The following TMEM132D variants were observed in gnomAD, a reference collection of about 807,000 sequenced individuals.
TMEM132D encodes the protein mature OL transmembrane protein.
TMEM132D carries 21 observed loss-of-function variants against 62.3 expected under a neutral mutation model. The ratio of observed to expected loss-of-function variants is 0.34; its 90% CI spans 0.24 to 0.49. The LOEUF (loss-of-function observed/expected upper bound fraction) is 0.49. Ranked by LOEUF, TMEM132D falls within the 20% of genes least tolerant of loss-of-function variation. The pLI, the probability that TMEM132D is intolerant of heterozygous loss-of-function variation, is 0.99. For synonymous variants in TMEM132D, 621 were observed against 575.6 expected, an observed-to-expected ratio of 1.08 and a Z score of -1.13; for missense variants, 1,346 against 1,402.8, an observed-to-expected ratio of 0.96 and a Z score of 0.65.
At chr12:129,491,711 G>A (rs963400767) in intron 3 of TMEM132D, among the ~76,000 whole-genome samples, 3 of 152,202 alleles carry the variant, frequency 2.0e-5, no homozygotes, top group Non-Finnish European at 2.9e-5. Context: ...GGAGGCCGAG[G>A]TGGGTAGATC....
chr12:129,626,462 AAT>A (rs1491330033), intron 2 of TMEM132D, among the ~76,000 whole-genome samples: 4 of 82,810 alleles, frequency 4.8e-5, no homozygotes, highest in African/African-American at 1.1e-4. Flanking sequence ...TTTATGTGCC[AAT>A]TTTTTTTTTC....
At chr12:129,694,579 G>A (rs1881150475) in intron 2 of TMEM132D, among the ~76,000 whole-genome samples, 1 of 152,172 alleles carries the variant, frequency 6.6e-6, no homozygotes, top group Non-Finnish European at 1.5e-5. Context: ...AATCCCAGTG[G>A]CCATACTTCA....
chr12:129,306,058 G>C (rs1881839720), intron 4 of TMEM132D, among the ~76,000 whole-genome samples: 1 of 152,126 alleles, frequency 6.6e-6, no homozygotes, highest in African/African-American at 2.4e-5. Context: ...GTTTAACTCA[G>C]AGAAGTGGTT....
At chr12:129,259,236 G>T (rs533001299) in intron 4 of TMEM132D, among the ~76,000 whole-genome samples, 259 of 152,268 alleles carry the variant, frequency 1.7e-3, no homozygotes, top group African/African-American at 5.9e-3. Context: ...GAGGATCTAG[G>T]CTGAGCATCA....
chr12:129,744,894 C>T (rs1483593617), intron 1 of TMEM132D, among the ~76,000 whole-genome samples: 1 of 152,162 alleles, frequency 6.6e-6, no homozygotes, highest in Non-Finnish European at 1.5e-5. Flanking sequence ...GAATTACAAT[C>T]CCCATAATCC....
intron 3 of TMEM132D, among the ~76,000 whole-genome samples, chr12:129,493,133 CT>C (rs1462176799): frequency 6.6e-6 from 1 of 151,138 alleles, no homozygotes; most frequent in African/African-American, 2.5e-5. Flanking sequence ...CCAATAAATT[CT>C]CTCTCTCTTT....
At chr12:129,595,824 A>G (rs1449421040) in intron 2 of TMEM132D, among the ~76,000 whole-genome samples, 8 of 152,352 alleles carry the variant, frequency 5.3e-5, no homozygotes, top group African/African-American at 1.9e-4. Context: ...CCCAGCCTGC[A>G]TGAGCCAGTT....
intron 2 of TMEM132D, among the ~76,000 whole-genome samples, chr12:129,581,017 T>C (rs967694390): frequency 2.0e-5 from 3 of 152,194 alleles, no homozygotes; most frequent in South Asian, 2.1e-4. Context: ...AAACTTCATG[T>C]TGAAATTTGA....
intron 1 of TMEM132D, among the ~76,000 whole-genome samples, chr12:129,814,001 A>C (rs573594896): frequency 2.0e-5 from 3 of 152,216 alleles, no homozygotes; most frequent in African/African-American, 4.8e-5. Flanking sequence ...CTTTTAAAGA[A>C]AATGTTTAGA....
Position 129,864,230 on chromosome 12 carries a change from C to T in TMEM132D, c.79+39031G>A, listed in dbSNP as rs549657636. ...GCCATTTGAGCAAACCACTTTAGAA[C>T]TGGATTCTCCAGCCCCTGTCAGGCC... is the stretch of plus-strand genomic sequence containing the variant. On this transcript the variant is annotated intron_variant, in intron 1 of 8. Coordinates refer to ENST00000422113, the MANE Select transcript of TMEM132D (RefSeq NM_133448.3). Among the ~76,000 whole-genome samples, 7 of 152,328 alleles carry T rather than the reference C, an allele frequency of 4.6e-5. No homozygotes were observed. In the South Asian group the frequency reaches 1.0e-3, roughly 23 times the overall value.
At chr12:129,479,737 T>C (rs1874378633) in intron 3 of TMEM132D, among the ~76,000 whole-genome samples, 1 of 152,064 alleles carries the variant, frequency 6.6e-6, no homozygotes, top group African/African-American at 2.4e-5. Context: ...GTTCTCACTG[T>C]GTCCTAGAGA....
chr12:129,246,994 G>T (rs10847815), intron 4 of TMEM132D, among the ~76,000 whole-genome samples: 4,851 of 152,182 alleles, frequency 0.032, 178 homozygotes, highest in East Asian at 0.17. Context: ...CATTAAGCTG[G>T]TATCAAAGGT....
At chr12:129,844,699 A>G (rs1272172582) in intron 1 of TMEM132D, among the ~76,000 whole-genome samples, 1 of 152,198 alleles carries the variant, frequency 6.6e-6, no homozygotes, top group East Asian at 1.9e-4. Context: ...AGTGAAATCA[A>G]TGCTTTCAGT....
intron 3 of TMEM132D, among the ~76,000 whole-genome samples, chr12:129,425,920 A>G (rs961100186): frequency 6.6e-6 from 1 of 152,246 alleles, no homozygotes; most frequent in Admixed American, 6.5e-5. Flanking sequence ...AAGCTGTTTT[A>G]TCACGAAAGC....
intron 3 of TMEM132D, among the ~76,000 whole-genome samples, chr12:129,439,904 G>A (rs12811518): frequency 0.15 from 22,153 of 152,154 alleles, 1,799 homozygotes; most frequent in South Asian, 0.27. Flanking sequence ...CGAAAGTGAC[G>A]TATGGCATCT....
intron 4 of TMEM132D, among the ~76,000 whole-genome samples, chr12:129,274,407 C>T (rs760572774): frequency 2.6e-5 from 4 of 152,122 alleles, no homozygotes; most frequent in Non-Finnish European, 5.9e-5. Context: ...CTTCTCTCCC[C>T]GATTCCAGCC....
intron 4 of TMEM132D, among the ~76,000 whole-genome samples, chr12:129,226,418 G>A (rs1330203956): frequency 6.6e-6 from 1 of 152,188 alleles, no homozygotes; most frequent in Admixed American, 6.5e-5. Context: ...CATCTCAAGG[G>A]ACAGGAAGGT....
At position 129,903,457 on chromosome 12, in the gene TMEM132D, G is replaced by A; in HGVS notation, c.-118C>T. On this transcript the variant is annotated 5_prime_UTR_variant, in exon 1 of 9. Coordinates refer to ENST00000422113, the MANE Select transcript of TMEM132D (RefSeq NM_133448.3). The surrounding 1 kb of genome is among the most constrained non-coding windows in gnomAD (Gnocchi z 6.2). Reference sequence around the variant, plus strand: ...GGTGGCGAGGGAGCGCCCGGCTAGGGGCCCGAGCAGCCCGGGCGCCCTGCT... The same window carrying A: ...GGTGGCGAGGGAGCGCCCGGCTAGGAGCCCGAGCAGCCCGGGCGCCCTGCT... The A allele has an allele frequency of 9.2e-7, 1 of 1,092,494 alleles. No homozygotes were observed. The highest frequency in any genetic ancestry group is 1.3e-6 in the Non-Finnish European group (1 of 754,340). The allele number at this position is 1,092,494 out of a possible 1,614,324, so 67.7% of individuals were successfully genotyped here. A position where few individuals can be genotyped will look rare whatever the true frequency, so the allele number is the denominator to read the frequency against.
intron 2 of TMEM132D, among the ~76,000 whole-genome samples, chr12:129,695,855 C>G (rs939082572): frequency 2.0e-5 from 3 of 152,216 alleles, no homozygotes; most frequent in African/African-American, 7.2e-5. Context: ...CAGCCACCAA[C>G]CTCCATCAGA....
Sources: allele counts gnomAD v4.1 joint callset (sites outside exome capture counted in the v4.1 genomes callset), GRCh38; gene constraint gnomAD v4.1.1; non-coding constraint Gnocchi (gnomAD v3.1); transcripts MANE v1.5; gene names NCBI Gene and HGNC (gene_info 2026-07-23, HGNC 2026-07-21).